Variants in CLEC1A observed in about 807,000 individuals in gnomAD.
CLEC1A encodes the protein C-type lectin domain family 1 member A.
A neutral mutation model predicts 28.7 loss-of-function variants in CLEC1A; 34 were observed. The observed-to-expected ratio is 1.18, with a 90% confidence interval of 0.90 to 1.57. CLEC1A has a LOEUF of 1.57. Ranked by LOEUF, CLEC1A falls within the 40% of genes most tolerant of loss-of-function variation. The pLI, the probability that CLEC1A is intolerant of heterozygous loss-of-function variation, is 0.00. For synonymous variants in CLEC1A, 116 were observed against 121.0 expected (o/e 0.96, Z 0.27); for missense variants, 385 against 339.5 (o/e 1.13, Z -1.05).
intron 1 of CLEC1A, among the ~76,000 whole-genome samples, chr12:10,096,738 C>T (rs189807066): frequency 1.8e-4 from 28 of 152,176 alleles, no homozygotes; most frequent in African/African-American, 6.5e-4. Context: ...TACTGAAAAC[C>T]TTCATGACTT....
intron 2 of CLEC1A, among the ~76,000 whole-genome samples, chr12:10,088,557 T>C (rs922366996): frequency 3.3e-5 from 5 of 152,160 alleles, no homozygotes; most frequent in Non-Finnish European, 5.9e-5. Context: ...TCATCCACTT[T>C]CTTTTTTAAG....
At chr12:10,078,616 C>T (rs1008623015) in intron 3 of CLEC1A, among the ~76,000 whole-genome samples, 4 of 152,194 alleles carry the variant, frequency 2.6e-5, no homozygotes, top group African/African-American at 9.6e-5. Flanking sequence ...GTTGGCCGAT[C>T]ATTACTGTAT....
chr12:10,069,689 A>C lies in CLEC1A; in HGVS notation c.*1644T>G, dbSNP rs1331558192. On this transcript the variant is annotated 3_prime_UTR_variant, in exon 6 of 6. Coordinates refer to ENST00000315330, the MANE Select transcript of CLEC1A (RefSeq NM_016511.4). The stretch of plus-strand genomic sequence containing the variant: ...ATAAGTAAATCAGAATAAGAGGTCT[A>C]AAATCTTCATTTTCTAACCACAAAT... 1.3e-5 allele frequency: 2 copies of C among 152,224 alleles called. No individual in the cohort carries two copies. The highest frequency in any genetic ancestry group is 4.8e-5 in the African/African-American group (2 of 41,458). 9.4% of individuals were successfully genotyped at this position (152,224 alleles called of 1,614,324 possible). A position where few individuals can be genotyped will look rare whatever the true frequency, so the allele number is the denominator to read the frequency against.
intron 1 of CLEC1A, among the ~76,000 whole-genome samples, chr12:10,094,317 G>T (rs990426061): frequency 1.3e-5 from 2 of 151,954 alleles, no homozygotes; most frequent in African/African-American, 4.8e-5. Flanking sequence ...TTTACAGGTA[G>T]GGAACTGAGG....
chr12:10,075,772 T>A, intron 3 of CLEC1A, 117 bp from the exon 4 acceptor site: 1 of 857,176 alleles, frequency 1.2e-6, no homozygotes, highest in Non-Finnish European at 1.8e-6. Flanking sequence ...AATATTTAAT[T>A]AATTACCCAG....
intron 3 of CLEC1A, among the ~76,000 whole-genome samples, chr12:10,078,313 TA>T (rs1565600770): frequency 6.6e-6 from 1 of 152,204 alleles, no homozygotes; most frequent in Non-Finnish European, 1.5e-5. Context: ...AGCCTCCTGT[TA>T]GTCTTCCACT....
rs975715512 is a variant in CLEC1A, at chr12:10,071,176, G to T, written c.*157C>A. On this transcript the variant is annotated 3_prime_UTR_variant, in exon 6 of 6. Transcript: ENST00000315330. ...AAATACGTGCATAAACCCAAGCTCA[G>T]AAATGCTGGTGATCCTGAACAGGAA... is the stretch of plus-strand genomic sequence containing the variant. 3.1e-6 allele frequency: 2 copies of T among 649,260 alleles called. No homozygotes were observed. The highest frequency in any genetic ancestry group is 5.0e-6 in the Non-Finnish European group (2 of 398,704). 40.2% of individuals were successfully genotyped at this position (649,260 alleles called of 1,614,324 possible). A position where few individuals can be genotyped will look rare whatever the true frequency, so the allele number is the denominator to read the frequency against.
rs779048525 is a variant in CLEC1A, at chr12:10,071,344, C to T, written c.832G>A (p.Glu278Lys). 15 of 1,613,288 alleles carry T rather than the reference C, an allele frequency of 9.3e-6. No individual in the cohort carries two copies. Among genetic ancestry groups the T allele is most frequent in the East Asian group, 2.2e-5 (1 of 44,870 alleles). The change falls in exon 6 of 6, where the codon GAA becomes AAA. Residue 278 changes from glutamate to lysine, a missense_variant. By Grantham distance (56) the Glu-to-Lys change is moderately conservative. Coordinates refer to ENST00000315330, the MANE Select transcript of CLEC1A (RefSeq NM_016511.4). ...SLHVPPETLG[E>K]GD Reference sequence around the variant, plus strand: ...TTGCAGAGGGCGAATCAGTCACCTTCGCCTAATGTTTCAGGGGGGACATGG... The same window carrying T: ...TTGCAGAGGGCGAATCAGTCACCTTTGCCTAATGTTTCAGGGGGGACATGG...
rs113590225 is a variant in CLEC1A, at chr12:10,071,213, C to G, written c.*120G>C. 271 of 897,464 alleles carry G rather than the reference C, an allele frequency of 3.0e-4. No individual in the cohort carries two copies. The African/African-American group carries it at 3.3e-3, about 11-fold the overall frequency. The allele number at this position is 897,464 out of a possible 1,614,324, so 55.6% of individuals were successfully genotyped here. ...ATCCTGAACAGGAAACACGAGAACC[C>G]ATTTTGTACTAGTCAGAGAGATAGT... On this transcript the variant is annotated 3_prime_UTR_variant, in exon 6 of 6. Transcript: ENST00000315330.
chr12:10,087,376 T>C (rs1159900511), intron 2 of CLEC1A, among the ~76,000 whole-genome samples: 1 of 148,674 alleles, frequency 6.7e-6, no homozygotes, highest in East Asian at 2.0e-4. Flanking sequence ...CCTATGATCA[T>C]CTCAATAGAT....
intron 3 of CLEC1A, among the ~76,000 whole-genome samples, chr12:10,080,879 G>A (rs1174820909): frequency 6.6e-6 from 1 of 152,158 alleles, no homozygotes; most frequent in Non-Finnish European, 1.5e-5. Flanking sequence ...TAAGATTTGA[G>A]AACTATAGTT....
chr12:10,072,006 C>T (rs1157518499), intron 5 of CLEC1A, among the ~76,000 whole-genome samples: 1 of 152,116 alleles, frequency 6.6e-6, no homozygotes, highest in Non-Finnish European at 1.5e-5. Context: ...CTTTCCAAAT[C>T]TTAGTTGAAA....
At chr12:10,090,243 T>C (rs1403659662) in intron 1 of CLEC1A, among the ~76,000 whole-genome samples, 3 of 152,168 alleles carry the variant, frequency 2.0e-5, no homozygotes, top group Non-Finnish European at 4.4e-5. Flanking sequence ...GAAAATTCTT[T>C]TCCTTCTAGC....
Position 10,072,011 on chromosome 12 carries a change from T to C in CLEC1A, c.663-498A>G, listed in dbSNP as rs564466614. 2.6e-5 allele frequency among the ~76,000 whole-genome samples: 4 copies of C among 152,314 alleles called. No homozygotes were observed. The East Asian group carries it at 7.7e-4, about 29-fold the overall frequency. On this transcript the variant is annotated intron_variant, in intron 5 of 5. Transcript: ENST00000315330. ...GATGTGTGTTCTTTCCAAATCTTAG[T>C]TGAAATGTTATCCCCAGTGTTGGAG... is the stretch of plus-strand genomic sequence containing the variant.
chr12:10,098,901 T>G lies in CLEC1A; in HGVS notation c.22A>C (p.Thr8Pro). MQAKYSS[T>P]RDMLDDDGDT... ...CCATCATCATCCAGCATGTCCCTCGTGCTGCTGTACTTGGCCTGCATCTGG... is the reference window on the plus strand; with the variant it reads ...CCATCATCATCCAGCATGTCCCTCGGGCTGCTGTACTTGGCCTGCATCTGG... The change falls in exon 1 of 6, where the codon ACG becomes CCG. Residue 8 changes from threonine to proline, a missense_variant. Thr to Pro is a conservative substitution (Grantham distance 38). Transcript: ENST00000315330. 6.2e-7 allele frequency: 1 copy of G among 1,613,130 alleles called. No homozygotes were observed. Among genetic ancestry groups the G allele is most frequent in the Admixed American group, 1.7e-5 (1 of 59,946 alleles).
chr12:10,085,825 G>A (rs549115020), intron 2 of CLEC1A, among the ~76,000 whole-genome samples: 3 of 152,212 alleles, frequency 2.0e-5, no homozygotes, highest in South Asian at 4.1e-4. Flanking sequence ...CTATATCCTA[G>A]GACAAATTGA....
In CLEC1A at chr12:10,072,634, A is replaced by ATCTCTCTC. The variant is rs58355839; in HGVS notation, c.662+651_662+658dup. ...CTTCAATTTACTCACTCAGGGAAAGATCTCTCTCTCTCTCTCTCTCTCTCT... is the reference window on the plus strand; with the variant it reads ...CTTCAATTTACTCACTCAGGGAAAGATCTCTCTCTCTCTCTCTCTCTCTCTCTCTCTCT... On this transcript the variant is annotated intron_variant, in intron 5 of 5. Coordinates refer to ENST00000315330, the MANE Select transcript of CLEC1A (RefSeq NM_016511.4). Among the ~76,000 whole-genome samples, 640 of 148,172 alleles carry ATCTCTCTC rather than the reference A, an allele frequency of 4.3e-3. 1 individual carries two copies. Among genetic ancestry groups the ATCTCTCTC allele is most frequent in the African/African-American group, 5.3e-3 (214 of 40,222 alleles).
intron 1 of CLEC1A, among the ~76,000 whole-genome samples, chr12:10,092,032 C>T (rs1181174816): frequency 6.6e-6 from 1 of 151,934 alleles, no homozygotes; most frequent in Non-Finnish European, 1.5e-5. Context: ...ATACAAATAC[C>T]TGTGTTATAT....
intron 5 of CLEC1A, 32 bp downstream of exon 5, chr12:10,073,261 T>C: frequency 6.7e-7 from 1 of 1,494,564 alleles, no homozygotes; most frequent in East Asian, 2.3e-5. Flanking sequence ...CTTTGTTAAA[T>C]GCCTTTCCCA....
Sources: gnomAD v4.1 joint callset for allele counts (sites outside exome capture counted in the v4.1 genomes callset) on GRCh38, gnomAD v4.1.1 for gene constraint, MANE v1.5 for transcripts, NCBI Gene and HGNC (gene_info 2026-07-23, HGNC 2026-07-21) for gene names.